NRXN3: variants seen among roughly 807,000 people sequenced by gnomAD.
NRXN3 encodes the protein neurexin III.
NRXN3 carries 32 observed loss-of-function variants against 137.6 expected under a neutral mutation model. The ratio of observed to expected loss-of-function variants is 0.23; its 90% confidence interval spans 0.18 to 0.31. The LOEUF (loss-of-function observed/expected upper bound fraction) is 0.31. Ranked by LOEUF, NRXN3 falls within the 10% of genes least tolerant of loss-of-function variation. NRXN3 has a pLI of 1.00. For synonymous variants in NRXN3, 798 were observed against 784.5 expected (o/e 1.02, Z -0.29); for missense variants, 1,574 against 2,062.5 (o/e 0.76, Z 4.59).
At chr14:78,931,873 G>A (rs1024499952) in intron 10 of NRXN3, among the ~76,000 whole-genome samples, 27 of 152,266 alleles carry the variant, frequency 1.8e-4, no homozygotes, top group African/African-American at 4.8e-4. Flanking sequence ...AAGGCTGGGC[G>A]CGGTGGCTCA....
At chr14:78,720,322 A>G (rs1482025063) in intron 8 of NRXN3, among the ~76,000 whole-genome samples, 1 of 152,228 alleles carries the variant, frequency 6.6e-6, no homozygotes, top group African/African-American at 2.4e-5. Context: ...TACTTAATTA[A>G]TAGCTACTTA....
chr14:79,113,329 G>A (rs2053861056), intron 15 of NRXN3, among the ~76,000 whole-genome samples: 1 of 152,020 alleles, frequency 6.6e-6, no homozygotes, highest in African/African-American at 2.4e-5. Context: ...TCTAACTTGG[G>A]GACCTTTTGA....
At chr14:79,419,659 C>G (rs1215642691) in intron 15 of NRXN3, among the ~76,000 whole-genome samples, 2 of 151,960 alleles carry the variant, frequency 1.3e-5, no homozygotes, top group East Asian at 3.9e-4. Context: ...GAGAGAAAGA[C>G]AGAAAGTGAG....
intron 17 of NRXN3, among the ~76,000 whole-genome samples, chr14:79,681,613 A>G (rs902064621): frequency 2.6e-5 from 4 of 152,172 alleles, no homozygotes; most frequent in African/African-American, 9.7e-5. Context: ...CACATTTGCT[A>G]GTGCCCATAT....
intron 16 of NRXN3, among the ~76,000 whole-genome samples, chr14:79,550,760 C>T (rs942108080): frequency 2.6e-5 from 4 of 152,154 alleles, no homozygotes; most frequent in African/African-American, 7.2e-5. Context: ...CTGCTGGCTA[C>T]GTGACTTTGG....
chr14:79,558,573 T>C (rs757333758), intron 16 of NRXN3, among the ~76,000 whole-genome samples: 16 of 151,976 alleles, frequency 1.1e-4, no homozygotes, highest in Non-Finnish European at 2.1e-4. Context: ...TTTTTTTTTT[T>C]TCTGAGCAGT....
At chr14:79,407,431 A>T (rs981504632) in intron 15 of NRXN3, among the ~76,000 whole-genome samples, 5 of 152,166 alleles carry the variant, frequency 3.3e-5, no homozygotes, top group Admixed American at 3.3e-4. Context: ...AGGCATAGTT[A>T]TGATGGAGAA....
intron 19 of NRXN3, among the ~76,000 whole-genome samples, chr14:79,730,157 T>A (rs1251144071): frequency 1.3e-5 from 2 of 152,188 alleles, no homozygotes; most frequent in African/African-American, 4.8e-5. Context: ...TCTCTTCTTT[T>A]TCCTACTAAA....
At chr14:79,787,326 T>C (rs768870788) in intron 19 of NRXN3, among the ~76,000 whole-genome samples, 16 of 152,238 alleles carry the variant, frequency 1.1e-4, no homozygotes, top group Non-Finnish European at 1.8e-4. Context: ...TCTATATTCA[T>C]TGTGGAATGA....
chr14:79,537,741 G>T (rs911409800), intron 16 of NRXN3, among the ~76,000 whole-genome samples: 1 of 152,030 alleles, frequency 6.6e-6, no homozygotes, highest in Non-Finnish European at 1.5e-5. Flanking sequence ...GAATAGTGCC[G>T]CAATAAACAT....
Position 79,862,466 on chromosome 14 carries a change from A to C in NRXN3, c.*502A>C, listed in dbSNP as rs1350688701. ...AAAGAAAAAAGTTAAAAAAGAAAAA[A>C]ACACCAAAAAACAAAAACAAACAAA... On this transcript the variant is annotated 3_prime_UTR_variant, in exon 21 of 21. Transcript: ENST00000335750. 1 of 152,212 alleles carries C rather than the reference A, an allele frequency of 6.6e-6. No homozygotes were observed. The allele number at this position is 152,212 out of a possible 1,614,324, so 9.4% of individuals were successfully genotyped here.
At chr14:79,738,721 G>C (rs1272883373) in intron 19 of NRXN3, among the ~76,000 whole-genome samples, 2 of 151,966 alleles carry the variant, frequency 1.3e-5, no homozygotes, top group African/African-American at 4.8e-5. Context: ...ACCACGCCCA[G>C]CTAATTTTTG....
chr14:78,754,370 C>G (rs2098657930), intron 8 of NRXN3, among the ~76,000 whole-genome samples: 1 of 152,222 alleles, frequency 6.6e-6, no homozygotes, highest in Admixed American at 6.5e-5. Context: ...GTTCTCCTCA[C>G]TCCCAGCCAC....
At chr14:79,247,898 A>T (rs1454514849) in intron 15 of NRXN3, among the ~76,000 whole-genome samples, 2 of 141,622 alleles carry the variant, frequency 1.4e-5, no homozygotes, top group African/African-American at 6.1e-5. Flanking sequence ...AAAAAAATTA[A>T]AAAAAAAACA....
chr14:78,609,528 G>A (rs994673443), intron 4 of NRXN3, among the ~76,000 whole-genome samples: 8 of 152,166 alleles, frequency 5.3e-5, no homozygotes, highest in African/African-American at 1.9e-4. Flanking sequence ...AGAACTTAGT[G>A]GTTAAGCACT....
At chr14:78,883,614 G>C (rs2099135356) in intron 10 of NRXN3, among the ~76,000 whole-genome samples, 1 of 152,176 alleles carries the variant, frequency 6.6e-6, no homozygotes, top group South Asian at 2.1e-4. Flanking sequence ...ATTGGTATTG[G>C]GTTGTCCTTT....
At chr14:78,309,099 G>C (rs564053458) in intron 4 of NRXN3, among the ~76,000 whole-genome samples, 1 of 151,992 alleles carries the variant, frequency 6.6e-6, no homozygotes, top group African/African-American at 2.4e-5. Context: ...ACCTATTTGC[G>C]TATTGACTGG....
intron 4 of NRXN3, among the ~76,000 whole-genome samples, chr14:78,366,498 C>T (rs2085960612): frequency 6.6e-6 from 1 of 152,168 alleles, no homozygotes; most frequent in African/African-American, 2.4e-5. Context: ...TTCCACTATT[C>T]AGACACAATG....
At chr14:79,789,859 A>G (rs918123808) in intron 19 of NRXN3, among the ~76,000 whole-genome samples, 3 of 152,168 alleles carry the variant, frequency 2.0e-5, no homozygotes, top group Admixed American at 1.3e-4. Context: ...AATGCAGCCC[A>G]GTAGGTCTCA....
Sources: gnomAD v4.1 joint callset for allele counts (sites outside exome capture counted in the v4.1 genomes callset) on GRCh38, gnomAD v4.1.1 for gene constraint, MANE v1.5 for transcripts, NCBI Gene and HGNC (gene_info 2026-07-23, HGNC 2026-07-21) for gene names.